GRIK1: variants seen among roughly 807,000 people sequenced by gnomAD.
GRIK1 encodes the protein glutamate receptor ionotropic, kainate 1.
A neutral mutation model predicts 105.7 loss-of-function variants in GRIK1; 69 were observed. The observed-to-expected ratio is 0.65, with a 90% CI of 0.54 to 0.80. The LOEUF (loss-of-function observed/expected upper bound fraction) is 0.80, where lower values mean the gene tolerates loss of function less well. GRIK1 is among the 30% of genes least tolerant of loss of function. GRIK1 has a pLI of 0.00. For synonymous variants in GRIK1, 438 were observed against 431.3 expected (o/e 1.02, Z -0.19); for missense variants, 1,109 against 1,167.3 (o/e 0.95, Z 0.73).
At chr21:29,611,675 C>A (rs1405185124) in intron 7 of GRIK1, among the ~76,000 whole-genome samples, 1 of 151,984 alleles carries the variant, frequency 6.6e-6, no homozygotes, top group Non-Finnish European at 1.5e-5. Flanking sequence ...GGTTCAGAAC[C>A]AGTCTATCTC....
At chr21:29,586,644 G>T (rs754247784) in intron 12 of GRIK1, among the ~76,000 whole-genome samples, 1 of 152,188 alleles carries the variant, frequency 6.6e-6, no homozygotes, top group African/African-American at 2.4e-5. Context: ...TTCAAATTTA[G>T]CATCAAAAGT....
intron 1 of GRIK1, among the ~76,000 whole-genome samples, chr21:29,869,559 A>G (rs374347187): frequency 4.9e-4 from 75 of 152,344 alleles, no homozygotes; most frequent in African/African-American, 1.7e-3. Context: ...GCTGAAAATT[A>G]AAACAGAGTC....
At chr21:29,544,650 G>A (rs1256898722) in intron 16 of GRIK1, among the ~76,000 whole-genome samples, 6 of 152,162 alleles carry the variant, frequency 3.9e-5, no homozygotes, top group South Asian at 2.1e-4. Context: ...TGTAGAAGAC[G>A]CTGCAGTCTT....
chr21:29,888,565 C>T (rs113941046), intron 1 of GRIK1, among the ~76,000 whole-genome samples: 16 of 151,788 alleles, frequency 1.1e-4, no homozygotes, highest in African/African-American at 2.7e-4. Context: ...GCCATTCACC[C>T]GGCCTAGCCC....
chr21:29,612,859 C>G (rs2061759851), intron 7 of GRIK1, among the ~76,000 whole-genome samples: 1 of 152,158 alleles, frequency 6.6e-6, no homozygotes, highest in Admixed American at 6.5e-5. Flanking sequence ...ATAAACCTGA[C>G]ATTGTAAACA....
chr21:29,717,030 C>A (rs1481591813), intron 1 of GRIK1, among the ~76,000 whole-genome samples: 1 of 152,238 alleles, frequency 6.6e-6, no homozygotes, highest in Non-Finnish European at 1.5e-5. Flanking sequence ...GGCCCAAGTG[C>A]AGCTCACGTC....
Position 29,781,546 on chromosome 21 carries a change from T to G in GRIK1, c.119-87483A>C, listed in dbSNP as rs370427380. ...GTATATCTTTAAATGTCTATAGTTG[T>G]TGTATGCACTTTTAAACTTACATAA... On this transcript the variant is annotated intron_variant, in intron 1 of 17. Coordinates refer to ENST00000327783, the MANE Select transcript of GRIK1 (RefSeq NM_001330994.2). Among the ~76,000 whole-genome samples the G allele has an allele frequency of 4.6e-4, 70 of 152,276 alleles. No individual in the cohort carries two copies. The East Asian group carries it at 0.011, about 23-fold the overall frequency.
intron 1 of GRIK1, among the ~76,000 whole-genome samples, chr21:29,929,352 A>G (rs1037201775): frequency 6.6e-6 from 1 of 152,234 alleles, no homozygotes; most frequent in African/African-American, 2.4e-5. Flanking sequence ...GTTAAACTGG[A>G]CAAAACACAT....
intron 1 of GRIK1, among the ~76,000 whole-genome samples, chr21:29,719,074 G>GTGTATACA (rs1555877722): frequency 6.2e-5 from 3 of 48,062 alleles, no homozygotes; most frequent in Admixed American, 2.5e-4. Flanking sequence ...GTGTGTGTGT[G>GTGTATACA]TATATACATA....
At chr21:29,682,317 A>C (rs1456537066) in intron 3 of GRIK1, among the ~76,000 whole-genome samples, 1 of 152,124 alleles carries the variant, frequency 6.6e-6, no homozygotes, top group African/African-American at 2.4e-5. Context: ...TTTTAGACTT[A>C]CTCATGTATT....
Position 29,922,651 on chromosome 21 carries a change from G to A in GRIK1, c.118+16732C>T, listed in dbSNP as rs553085296. ...TTTCTTAATTCTTGTATGGCAAAAG[G>A]TATACTTACTTAAATGATCATTTAA... On this transcript the variant is annotated intron_variant, in intron 1 of 17. Coordinates refer to ENST00000327783, the MANE Select transcript of GRIK1 (RefSeq NM_001330994.2). Among the ~76,000 whole-genome samples, 9 of 152,160 alleles carry A rather than the reference G, an allele frequency of 5.9e-5. No individual in the cohort carries two copies. In the South Asian group the frequency reaches 1.4e-3, roughly 25 times the overall value.
intron 4 of GRIK1, among the ~76,000 whole-genome samples, chr21:29,671,875 A>T (rs1430685553): frequency 6.6e-6 from 1 of 152,060 alleles, no homozygotes; most frequent in Non-Finnish European, 1.5e-5. Flanking sequence ...TAAACGTCTC[A>T]CTAGCCTTTC....
intron 7 of GRIK1, among the ~76,000 whole-genome samples, chr21:29,625,026 G>A (rs1244324733): frequency 2.0e-5 from 3 of 152,342 alleles, no homozygotes; most frequent in East Asian, 3.9e-4. Flanking sequence ...AGATCCTTAT[G>A]TAGTCTGACA....
At chr21:29,652,506 C>A (rs2062757796) in intron 5 of GRIK1, among the ~76,000 whole-genome samples, 1 of 152,124 alleles carries the variant, frequency 6.6e-6, no homozygotes, top group African/African-American at 2.4e-5. Context: ...ATAAGGGAAC[C>A]CATTCCCTTG....
chr21:29,587,964 C>CTTTTGTTTTTTTTTTT (rs2091167292), intron 11 of GRIK1, among the ~76,000 whole-genome samples: 1 of 65,406 alleles, frequency 1.5e-5, no homozygotes, highest in Non-Finnish European at 2.7e-5. Flanking sequence ...CTTTAAAATT[C>CTTTTGTTTTTTTTTTT]TTTTTTTTTT....
chr21:29,924,207 G>A (rs1387077734), intron 1 of GRIK1, among the ~76,000 whole-genome samples: 5 of 151,690 alleles, frequency 3.3e-5, no homozygotes, highest in Admixed American at 6.6e-5. Flanking sequence ...GCGTGGTGGC[G>A]GGCGCCTGTA....
intron 11 of GRIK1, among the ~76,000 whole-genome samples, chr21:29,587,964 CT>C (rs568648777): frequency 4.0e-3 from 264 of 65,336 alleles, no homozygotes; most frequent in African/African-American, 0.015. Flanking sequence ...CTTTAAAATT[CT>C]TTTTTTTTTT....
intron 7 of GRIK1, chr21:29,601,080 G>T (rs2061509285): frequency 7.7e-5 from 22 of 286,690 alleles, no homozygotes; most frequent in South Asian, 7.3e-4. Flanking sequence ...GTCTGTGAGG[G>T]TGTTTCCAAA....
At chr21:29,697,622 C>T (rs1472606664) in intron 1 of GRIK1, among the ~76,000 whole-genome samples, 1 of 151,934 alleles carries the variant, frequency 6.6e-6, no homozygotes, top group African/African-American at 2.4e-5. Flanking sequence ...TGGAGATGTA[C>T]CAAAAAAGTG....
Sources: allele counts gnomAD v4.1 joint callset (sites outside exome capture counted in the v4.1 genomes callset), GRCh38; gene constraint gnomAD v4.1.1; transcripts MANE v1.5; gene names NCBI Gene and HGNC (gene_info 2026-07-23, HGNC 2026-07-21).